The following COL5A2 variants were observed in gnomAD, a reference collection of about 807,000 sequenced individuals.
COL5A2 encodes collagen alpha-2(V) chain.
Under a neutral mutation model 208.2 loss-of-function variants are expected in COL5A2, and 23 were observed. That is an observed-to-expected ratio of 0.11 (90% CI 0.08 to 0.16). The LOEUF (loss-of-function observed/expected upper bound fraction) is 0.16, where lower values mean the gene tolerates loss of function less well. Among genes scored for constraint, COL5A2 ranks in the 10% least tolerant of loss-of-function variants. The pLI is 1.00. For missense variants in COL5A2, 1,590 were observed against 1,956.4 expected, an observed-to-expected ratio of 0.81 and a Z score of 3.53; for synonymous variants, 625 against 628.5, an observed-to-expected ratio of 0.99 and a Z score of 0.08.
chr2:189,101,480 A>T (rs998377568), intron 3 of COL5A2, among the ~76,000 whole-genome samples: 3 of 152,074 alleles, frequency 2.0e-5, no homozygotes, highest in African/African-American at 7.2e-5. Context: ...TTTTAAGTTT[A>T]AGAATGACAT....
chr2:189,343,602 A>G, the COL5A2 span, among the ~76,000 whole-genome samples: 1 of 152,138 alleles, frequency 6.6e-6, no homozygotes, highest in Non-Finnish European at 1.5e-5. Flanking sequence ...TTAATTTTTT[A>G]AAGTTTATCT....
intron 17 of COL5A2, among the ~76,000 whole-genome samples, chr2:189,072,734 T>C (rs926374909): frequency 6.0e-5 from 8 of 133,354 alleles, no homozygotes; most frequent in African/African-American, 2.3e-4. Flanking sequence ...ATCACGCCAT[T>C]GCACTCCAAC....
the COL5A2 span, among the ~76,000 whole-genome samples, chr2:189,358,882 G>A: frequency 6.6e-6 from 1 of 151,216 alleles, no homozygotes; most frequent in African/African-American, 2.4e-5. Context: ...GTTTGCTATT[G>A]ATGTGTAGAA....
At chr2:189,185,063 G>A (rs369978837) in intron 1 of COL5A2, among the ~76,000 whole-genome samples, 54 of 151,088 alleles carry the variant, frequency 3.6e-4, no homozygotes, top group African/African-American at 1.2e-3. Flanking sequence ...TTGCCCTGTC[G>A]CCCAGGCTGG....
the COL5A2 span, among the ~76,000 whole-genome samples, chr2:189,349,997 C>G: frequency 6.6e-6 from 1 of 152,064 alleles, no homozygotes; most frequent in African/African-American, 2.4e-5. Flanking sequence ...TATCAAAGCA[C>G]CTTGTGTTCC....
chr2:189,339,079 A>T, the COL5A2 span, among the ~76,000 whole-genome samples: 1 of 152,220 alleles, frequency 6.6e-6, no homozygotes, highest in African/African-American at 2.4e-5. Context: ...AGGCGGGCAC[A>T]GTGGCTCACA....
intron 1 of COL5A2, among the ~76,000 whole-genome samples, chr2:189,121,026 T>A (rs1687489917): frequency 6.6e-6 from 1 of 152,320 alleles, no homozygotes; most frequent in East Asian, 1.9e-4. Context: ...TACAGACTAC[T>A]GAGAGAACCA....
At chr2:189,236,018 C>A in the COL5A2 span, among the ~76,000 whole-genome samples, 2 of 151,302 alleles carry the variant, frequency 1.3e-5, no homozygotes, top group Admixed American at 1.3e-4. Context: ...AAAAAAAACA[C>A]CTGAACACCA....
rs1328989393 is a variant in COL5A2, at chr2:189,092,336, G to A, written c.541C>T (p.His181Tyr). 6.2e-7 allele frequency: 1 copy of A among 1,608,820 alleles called. No individual in the cohort carries two copies. Among genetic ancestry groups the A allele is most frequent in the Non-Finnish European group, 8.5e-7 (1 of 1,177,280 alleles). The change falls in exon 7 of 54, where the codon CAC (histidine) becomes TAC (tyrosine). Residue 181 changes from histidine to tyrosine, a missense_variant. By Grantham distance (83) the His-to-Tyr change is moderately conservative. Transcript: ENST00000374866. ...GAPGPPGHPS[H>Y]PGPDGLSRPF... ...CTGCTCAAGCCATCGGGTCCTGGGT[G>A]GGACGGATGTCCAGGAGGTCCTGGA...
chr2:189,344,543 A>G, the COL5A2 span, among the ~76,000 whole-genome samples: 5 of 152,136 alleles, frequency 3.3e-5, no homozygotes, highest in African/African-American at 1.2e-4. Context: ...ACCAAAGCAC[A>G]ATCCACCTGC....
chr2:189,269,895 A>G, the COL5A2 span, among the ~76,000 whole-genome samples: 1 of 152,094 alleles, frequency 6.6e-6, no homozygotes, highest in Non-Finnish European at 1.5e-5. Context: ...GCCATTAATT[A>G]CTGCTTCAAC....
chr2:189,318,161 A>C, the COL5A2 span, among the ~76,000 whole-genome samples: 1 of 152,200 alleles, frequency 6.6e-6, no homozygotes, highest in Non-Finnish European at 1.5e-5. Context: ...CACTGATATG[A>C]GTGGTCCCAC....
At chr2:189,323,023 A>C in the COL5A2 span, among the ~76,000 whole-genome samples, 1 of 152,238 alleles carries the variant, frequency 6.6e-6, no homozygotes, top group Non-Finnish European at 1.5e-5. Context: ...AACATACACA[A>C]ATCAATAAAC....
At chr2:189,327,618 C>G in the COL5A2 span, among the ~76,000 whole-genome samples, 1 of 152,100 alleles carries the variant, frequency 6.6e-6, no homozygotes, top group Non-Finnish European at 1.5e-5. Flanking sequence ...GATGATGAAT[C>G]AAATAAAGAG....
chr2:189,248,115 T>C, the COL5A2 span, among the ~76,000 whole-genome samples: 20 of 152,106 alleles, frequency 1.3e-4, no homozygotes, highest in Non-Finnish European at 2.1e-4. Flanking sequence ...AAAATATTCA[T>C]AAAAAGGGAA....
chr2:189,120,900 A>G (rs1687487303), intron 1 of COL5A2, among the ~76,000 whole-genome samples: 2 of 152,242 alleles, frequency 1.3e-5, no homozygotes, highest in South Asian at 4.1e-4. Flanking sequence ...TCAAAATAAC[A>G]TAATGTATGC....
chr2:189,137,294 C>A (rs1687844649), intron 1 of COL5A2, among the ~76,000 whole-genome samples: 1 of 152,166 alleles, frequency 6.6e-6, no homozygotes, highest in Admixed American at 6.5e-5. Flanking sequence ...GAGATGTCTT[C>A]TGAAGTTTTG....
the COL5A2 span, among the ~76,000 whole-genome samples, chr2:189,252,694 T>C: frequency 6.6e-6 from 1 of 152,094 alleles, no homozygotes; most frequent in Non-Finnish European, 1.5e-5. Context: ...CACACCAACA[T>C]GGCACATGTA....
chr2:189,066,852 C>G (rs1308121162), intron 21 of COL5A2, 70 bp from the exon 22 acceptor site: 2 of 1,201,562 alleles, frequency 1.7e-6, no homozygotes, highest in Non-Finnish European at 2.5e-6. Context: ...AAATTAGTTA[C>G]AATAAATAGG....
Sources: gnomAD v4.1 joint callset for allele counts (sites outside exome capture counted in the v4.1 genomes callset) on GRCh38, gnomAD v4.1.1 for gene constraint, MANE v1.5 for transcripts, NCBI Gene and HGNC (gene_info 2026-07-23, HGNC 2026-07-21) for gene names.